Variants in STK32B observed in about 807,000 individuals in gnomAD.
STK32B encodes the protein serine/threonine-protein kinase 32B.
A neutral mutation model predicts 52.6 loss-of-function variants in STK32B; 43 were observed. The observed-to-expected ratio is 0.82, with a 90% CI of 0.64 to 1.05. The LOEUF is 1.05. STK32B is among the 50% of genes least tolerant of loss of function. The probability of loss-of-function intolerance (pLI) is 0.00; values close to 1 mark genes in which losing one functional copy is unlikely to be tolerated. For missense variants in STK32B, 621 were observed against 534.6 expected (o/e 1.16, Z -1.59); for synonymous variants, 238 against 204.3 (o/e 1.17, Z -1.41).
chr4:5,098,424 A>G (rs986167562), intron 1 of STK32B, among the ~76,000 whole-genome samples: 1 of 152,350 alleles, frequency 6.6e-6, no homozygotes, highest in African/African-American at 2.4e-5. Flanking sequence ...AAAACCCACT[A>G]TCAGCAGCAG....
intron 3 of STK32B, among the ~76,000 whole-genome samples, chr4:5,176,332 C>T (rs1264341572): frequency 6.6e-6 from 1 of 152,126 alleles, no homozygotes; most frequent in Non-Finnish European, 1.5e-5. Context: ...CGGCACTCCC[C>T]AGTGAGATGA....
intron 3 of STK32B, among the ~76,000 whole-genome samples, chr4:5,236,304 C>T (rs1724632052): frequency 6.6e-6 from 1 of 152,146 alleles, no homozygotes; most frequent in Non-Finnish European, 1.5e-5. Flanking sequence ...CCCTCCAAGA[C>T]TCTCCTTTTC....
chr4:5,067,275 C>T (rs756824157), intron 1 of STK32B, among the ~76,000 whole-genome samples: 31 of 152,156 alleles, frequency 2.0e-4, no homozygotes, highest in Admixed American at 8.5e-4. Context: ...ATCTCCCACT[C>T]GGTCCCTCCC....
intron 11 of STK32B, among the ~76,000 whole-genome samples, chr4:5,471,186 G>C (rs1249596443): frequency 6.6e-6 from 1 of 152,216 alleles, no homozygotes; most frequent in Non-Finnish European, 1.5e-5. Context: ...ACCTGCTGCA[G>C]GTTGCATGGT....
the STK32B span, among the ~76,000 whole-genome samples, chr4:5,028,895 C>A: frequency 6.6e-6 from 1 of 152,186 alleles, no homozygotes; most frequent in Non-Finnish European, 1.5e-5. Context: ...CATGATGCTG[C>A]CATCTGCTCA....
intron 1 of STK32B, among the ~76,000 whole-genome samples, chr4:5,102,944 C>T (rs1233783228): frequency 8.0e-6 from 1 of 124,352 alleles, no homozygotes; most frequent in African/African-American, 3.0e-5. Context: ...CCCCCCTCCC[C>T]CTCCTCTCCT....
At position 5,380,802 on chromosome 4, in the gene STK32B, A is replaced by C. The variant is rs1453777038; in HGVS notation, c.435-17405A>C. On this transcript the variant is annotated intron_variant, in intron 4 of 11. Coordinates refer to ENST00000282908, the MANE Select transcript of STK32B (RefSeq NM_018401.3). The surrounding 1 kb of genome is among the most constrained non-coding windows in gnomAD (Gnocchi z 4.3). ...TGTTACCTACAATCATGCAGTCCTT[A>C]CAACAGCCTACAAGTAGAGCTTAGA... Among the ~76,000 whole-genome samples, 2 of 152,180 alleles carry C rather than the reference A, an allele frequency of 1.3e-5. No individual in the cohort carries two copies. Among genetic ancestry groups the C allele is most frequent in the Non-Finnish European group, 2.9e-5 (2 of 68,034 alleles).
At chr4:5,150,174 G>A (rs1717231375) in intron 2 of STK32B, among the ~76,000 whole-genome samples, 1 of 151,968 alleles carries the variant, frequency 6.6e-6, no homozygotes, top group Non-Finnish European at 1.5e-5. Flanking sequence ...ACTTTTAGAA[G>A]TTTTCCTATG....
At chr4:5,496,793 TTTTC>T (rs1217017430) in intron 11 of STK32B, among the ~76,000 whole-genome samples, 1 of 151,338 alleles carries the variant, frequency 6.6e-6, no homozygotes, top group East Asian at 1.9e-4. Context: ...CATGGAAATT[TTTTC>T]TTTGCTTTAA....
At chr4:5,262,657 T>C (rs1205154716) in intron 3 of STK32B, among the ~76,000 whole-genome samples, 3 of 151,590 alleles carry the variant, frequency 2.0e-5, no homozygotes, top group South Asian at 4.2e-4. Flanking sequence ...TGTGGACTCA[T>C]ATGAAGAGAC....
At chr4:5,433,511 G>T (rs982251158) in intron 6 of STK32B, among the ~76,000 whole-genome samples, 2 of 152,180 alleles carry the variant, frequency 1.3e-5, no homozygotes, top group African/African-American at 4.8e-5. Flanking sequence ...GGAGACTTGG[G>T]TTCTAGTCCC....
At chr4:5,071,472 C>G (rs1017200492) in intron 1 of STK32B, among the ~76,000 whole-genome samples, 1 of 152,152 alleles carries the variant, frequency 6.6e-6, no homozygotes, top group African/African-American at 2.4e-5. Context: ...TGTGCTGCAG[C>G]AGAATCCTCT....
intron 1 of STK32B, among the ~76,000 whole-genome samples, chr4:5,099,450 G>GTGCGCGCA (rs60872398): frequency 2.2e-5 from 2 of 91,296 alleles, no homozygotes; most frequent in Non-Finnish European, 4.5e-5. Flanking sequence ...GTGTGTGTGT[G>GTGCGCGCA]CGCGCGCGCG....
At chr4:5,246,772 T>G (rs1023101289) in intron 3 of STK32B, among the ~76,000 whole-genome samples, 3 of 152,170 alleles carry the variant, frequency 2.0e-5, no homozygotes, top group African/African-American at 4.8e-5. Flanking sequence ...CCTTTCTGTT[T>G]TTTAGTTTTC....
At chr4:5,031,698 A>G in the STK32B span, among the ~76,000 whole-genome samples, 3 of 152,136 alleles carry the variant, frequency 2.0e-5, no homozygotes, top group African/African-American at 7.2e-5. Flanking sequence ...TTGCACAGGG[A>G]TGTAAGAAGC....
chr4:5,374,054 G>C (rs527503340), intron 4 of STK32B, among the ~76,000 whole-genome samples: 1 of 152,322 alleles, frequency 6.6e-6, no homozygotes, highest in Admixed American at 6.5e-5. Context: ...AGAGACAGAA[G>C]AGGAAATGCA....
chr4:5,300,128 A>G (rs943815304), intron 3 of STK32B, among the ~76,000 whole-genome samples: 3 of 152,180 alleles, frequency 2.0e-5, no homozygotes, highest in African/African-American at 7.2e-5. Context: ...TGCATGGATG[A>G]TATGCAAATC....
chr4:5,095,887 A>G (rs1274596016), intron 1 of STK32B, among the ~76,000 whole-genome samples: 1 of 152,234 alleles, frequency 6.6e-6, no homozygotes, highest in Non-Finnish European at 1.5e-5. Flanking sequence ...AATGTTATTA[A>G]TCATTCAAAG....
At chr4:5,303,615 TTC>T (rs1465412654) in intron 3 of STK32B, among the ~76,000 whole-genome samples, 5 of 152,292 alleles carry the variant, frequency 3.3e-5, no homozygotes, top group East Asian at 3.9e-4. Context: ...TGCAAAGATT[TTC>T]TGTCACTCTA....
Sources: gnomAD v4.1 joint callset for allele counts (sites outside exome capture counted in the v4.1 genomes callset) on GRCh38, gnomAD v4.1.1 for gene constraint, Gnocchi (gnomAD v3.1) non-coding constraint, MANE v1.5 for transcripts, NCBI Gene and HGNC (gene_info 2026-07-23, HGNC 2026-07-21) for gene names.